The following RGS7 variants were observed in gnomAD, a reference collection of about 807,000 sequenced individuals.
The protein encoded by RGS7 is regulator of G-protein signaling 7.
Under a neutral mutation model 81.1 loss-of-function variants are expected in RGS7, and 27 were observed. The ratio of observed to expected loss-of-function variants is 0.33; its 90% CI spans 0.25 to 0.46. RGS7 has a LOEUF of 0.46. RGS7 is among the 20% of genes least tolerant of loss of function. The probability of loss-of-function intolerance (pLI) is 1.00; values close to 1 mark genes in which losing one functional copy is unlikely to be tolerated. For missense variants in RGS7, 396 were observed against 607.4 expected (o/e 0.65, Z 3.66); for synonymous variants, 208 against 207.7 (o/e 1.00, Z -0.01).
At chr1:241,328,224 G>A (rs1219591082) in intron 2 of RGS7, among the ~76,000 whole-genome samples, 1 of 152,170 alleles carries the variant, frequency 6.6e-6, no homozygotes, top group African/African-American at 2.4e-5. Context: ...ATGTGGTAAG[G>A]GATTGTATTT....
intron 2 of RGS7, among the ~76,000 whole-genome samples, chr1:241,118,045 G>C (rs888631214): frequency 6.6e-6 from 1 of 152,142 alleles, no homozygotes; most frequent in African/African-American, 2.4e-5. Flanking sequence ...TGAAACAAAA[G>C]TTTTACAAAA....
chr1:240,842,199 A>ATTTTTTTTTTTTTTTT lies in RGS7; in HGVS notation c.610-15043_610-15028dup, dbSNP rs568381066. Among the ~76,000 whole-genome samples the ATTTTTTTTTTTTTTTT allele has an allele frequency of 1.5e-3, 121 of 78,690 alleles. 28 individuals are homozygous for ATTTTTTTTTTTTTTTT. The highest frequency in any genetic ancestry group is 3.8e-3 in the African/African-American group (82 of 21,336). 51.6% of individuals were successfully genotyped at this position (78,690 alleles called of 152,430 possible). A position where few individuals can be genotyped will look rare whatever the true frequency, so the allele number is the denominator to read the frequency against. On this transcript the variant is annotated intron_variant, in intron 9 of 18. Transcript: ENST00000440928. ...TGATTTCAGATTATGTTTGTCAGGA[A>ATTTTTTTTTTTTTTTT]TTTTTTTTTTTTTTTTTGAGACAGA... is the stretch of plus-strand genomic sequence containing the variant.
intron 3 of RGS7, among the ~76,000 whole-genome samples, chr1:240,994,502 T>C (rs967805512): frequency 1.3e-4 from 20 of 152,210 alleles, no homozygotes; most frequent in Admixed American, 1.3e-3. Context: ...TAATTTACTT[T>C]TGTATATTTA....
At chr1:240,865,524 A>C (rs1450589150) in intron 9 of RGS7, among the ~76,000 whole-genome samples, 1 of 152,226 alleles carries the variant, frequency 6.6e-6, no homozygotes, top group East Asian at 1.9e-4. Flanking sequence ...GATCCTGTCT[A>C]GAAGACACTT....
intron 4 of RGS7, among the ~76,000 whole-genome samples, chr1:240,940,377 T>C (rs555114929): frequency 2.6e-5 from 4 of 152,198 alleles, no homozygotes; most frequent in Non-Finnish European, 5.9e-5. Flanking sequence ...GGTATCCACC[T>C]GGTCTCCAGA....
At chr1:240,987,981 A>C (rs1487427686) in intron 3 of RGS7, among the ~76,000 whole-genome samples, 1 of 152,202 alleles carries the variant, frequency 6.6e-6, no homozygotes, top group Non-Finnish European at 1.5e-5. Context: ...TTTCTGTAGA[A>C]GTTTGGCTGA....
At chr1:241,196,762 G>A (rs990703438) in intron 2 of RGS7, among the ~76,000 whole-genome samples, 1 of 151,932 alleles carries the variant, frequency 6.6e-6, no homozygotes, top group Non-Finnish European at 1.5e-5. Flanking sequence ...TGTAACACAT[G>A]AGAACATAAA....
chr1:240,881,378 A>T (rs1322714931), intron 6 of RGS7, among the ~76,000 whole-genome samples: 1 of 152,140 alleles, frequency 6.6e-6, no homozygotes. Context: ...GAAGGATAGT[A>T]TTAGGAGAAA....
chr1:240,813,232 C>A (rs937342072), intron 13 of RGS7, among the ~76,000 whole-genome samples: 2 of 152,166 alleles, frequency 1.3e-5, no homozygotes, highest in African/African-American at 4.8e-5. Flanking sequence ...TTTATAAAGA[C>A]ATACTTGTGT....
chr1:241,011,841 A>G (rs1000053837), intron 3 of RGS7, among the ~76,000 whole-genome samples: 1 of 152,062 alleles, frequency 6.6e-6, no homozygotes, highest in Non-Finnish European at 1.5e-5. Context: ...ACAACACATG[A>G]TCTTTTGATA....
chr1:241,334,623 A>C (rs546894190), intron 2 of RGS7, among the ~76,000 whole-genome samples: 1 of 152,182 alleles, frequency 6.6e-6, no homozygotes. Flanking sequence ...AACTCCTCCA[A>C]AACAGTAGTA....
intron 2 of RGS7, among the ~76,000 whole-genome samples, chr1:241,235,627 TC>T (rs1558219790): frequency 2.9e-5 from 4 of 135,602 alleles, no homozygotes; most frequent in South Asian, 2.5e-4. Flanking sequence ...TTCCCTTTTC[TC>T]TCTTTTTTCT....
chr1:241,087,590 G>A (rs1034194151), intron 3 of RGS7, among the ~76,000 whole-genome samples: 1 of 152,064 alleles, frequency 6.6e-6, no homozygotes, highest in African/African-American at 2.4e-5. Context: ...ACTACTTACT[G>A]TTCATGAGTT....
intron 3 of RGS7, among the ~76,000 whole-genome samples, chr1:241,063,803 A>G (rs542704464): frequency 6.6e-6 from 1 of 152,216 alleles, no homozygotes. Context: ...TGAAATAAGC[A>G]TTTGTTTTTG....
At chr1:241,147,780 T>TTATTTA (rs2068429143) in intron 2 of RGS7, among the ~76,000 whole-genome samples, 1 of 44,604 alleles carries the variant, frequency 2.2e-5, no homozygotes, top group South Asian at 1.2e-3. Context: ...AGATTAAGTT[T>TTATTTA]TATATATATA....
chr1:241,287,997 C>G (rs1378496261), intron 2 of RGS7, among the ~76,000 whole-genome samples: 4 of 152,174 alleles, frequency 2.6e-5, no homozygotes. Flanking sequence ...GTAATTTTCC[C>G]ATCTGGACTA....
chr1:240,869,211 G>A (rs1664035866), intron 7 of RGS7, among the ~76,000 whole-genome samples: 1 of 152,148 alleles, frequency 6.6e-6, no homozygotes, highest in South Asian at 2.1e-4. Flanking sequence ...CAGAACATCA[G>A]TACATTCCTA....
At chr1:240,851,821 T>A (rs77546589) in intron 9 of RGS7, among the ~76,000 whole-genome samples, 2,818 of 152,236 alleles carry the variant, frequency 0.019, 96 homozygotes, top group African/African-American at 0.065. Flanking sequence ...AGAACTAGAA[T>A]TAGAAGTGGA....
At chr1:240,857,202 A>G (rs572038050) in intron 9 of RGS7, among the ~76,000 whole-genome samples, 1 of 152,024 alleles carries the variant, frequency 6.6e-6, no homozygotes, top group South Asian at 2.1e-4. Context: ...AAAAAGTTAT[A>G]TCTCTATTTT....
Sources: allele counts gnomAD v4.1 joint callset (sites outside exome capture counted in the v4.1 genomes callset), GRCh38; gene constraint gnomAD v4.1.1; transcripts MANE v1.5; gene names NCBI Gene and HGNC (gene_info 2026-07-23, HGNC 2026-07-21).